Variants in TNPO3 observed in about 807,000 individuals in gnomAD.
The protein encoded by TNPO3 is transportin-3.
In TNPO3, 65 loss-of-function variants were observed where a neutral mutation model predicts 122.8. The observed-to-expected ratio is 0.53, with a 90% confidence interval of 0.43 to 0.65. TNPO3 has a LOEUF of 0.65. Among genes scored for constraint, TNPO3 ranks in the 30% least tolerant of loss-of-function variants. TNPO3 has a pLI of 0.00. For synonymous variants in TNPO3, 372 were observed against 411.2 expected, an observed-to-expected ratio of 0.90 and a Z score of 1.15; for missense variants, 850 against 1,136.7, an observed-to-expected ratio of 0.75 and a Z score of 3.63.
At chr7:129,039,273 C>T (rs1050902712) in intron 1 of TNPO3, among the ~76,000 whole-genome samples, 5 of 152,084 alleles carry the variant, frequency 3.3e-5, no homozygotes, top group Admixed American at 2.6e-4. Flanking sequence ...AAAAATAGAG[C>T]GTTATCACCC....
At chr7:128,965,804 A>G (rs903781717) in intron 21 of TNPO3, among the ~76,000 whole-genome samples, 1 of 152,236 alleles carries the variant, frequency 6.6e-6, no homozygotes, top group African/African-American at 2.4e-5. Context: ...TCCTAAGGAC[A>G]TTATACTAAG....
intron 19 of TNPO3, among the ~76,000 whole-genome samples, chr7:128,972,184 C>G (rs184466648): frequency 1.3e-5 from 2 of 152,322 alleles, no homozygotes; most frequent in East Asian, 3.9e-4. Flanking sequence ...ACTTGTTTCT[C>G]TCTTCAACTA....
chr7:129,033,264 T>C lies in TNPO3; in HGVS notation c.121-15107A>G, dbSNP rs552963304. 2.6e-5 allele frequency among the ~76,000 whole-genome samples: 4 copies of C among 152,332 alleles called. No homozygotes were observed. The East Asian group carries it at 7.7e-4, about 29-fold the overall frequency. ...AATCATTGCAATTGACAGTGATTTCTTGGATGACATTTCTGGAATAAATAT... is the reference window on the plus strand; with the variant it reads ...AATCATTGCAATTGACAGTGATTTCCTGGATGACATTTCTGGAATAAATAT... On this transcript the variant is annotated intron_variant, in intron 1 of 22. Transcript: ENST00000265388.
intron 4 of TNPO3, among the ~76,000 whole-genome samples, chr7:129,006,161 G>A (rs1283122414): frequency 6.6e-6 from 1 of 152,122 alleles, no homozygotes; most frequent in Non-Finnish European, 1.5e-5. Flanking sequence ...TGCTATTATT[G>A]TCTCTACTTT....
At chr7:129,003,647 C>T (rs550667553) in intron 5 of TNPO3, among the ~76,000 whole-genome samples, 4 of 151,946 alleles carry the variant, frequency 2.6e-5, no homozygotes, top group East Asian at 1.9e-4. Context: ...CCAGTCTGGA[C>T]GACAGGGAGA....
At chr7:129,049,457 T>C (rs918663331) in intron 1 of TNPO3, among the ~76,000 whole-genome samples, 1 of 152,204 alleles carries the variant, frequency 6.6e-6, no homozygotes, top group Non-Finnish European at 1.5e-5. Context: ...TGATAGATCT[T>C]GGAATCCACA....
intron 19 of TNPO3, 87 bp downstream of exon 19, chr7:128,972,339 A>C (rs931636924): frequency 2.8e-6 from 4 of 1,425,772 alleles, no homozygotes; most frequent in Non-Finnish European, 3.8e-6. Flanking sequence ...GTAAGGAAAT[A>C]CTGGGATGCT....
At position 129,054,738 on chromosome 7, in the gene TNPO3, C is replaced by T; in HGVS notation, c.33G>A (p.Val11=). The T allele has an allele frequency of 6.2e-7, 1 of 1,614,208 alleles. No homozygotes were observed. Among genetic ancestry groups the T allele is most frequent in the Non-Finnish European group, 8.5e-7 (1 of 1,180,020 alleles). The part of the protein sequence containing the change: MEGAKPTLQL[V]YQAVQALYHD... ...GGTAAAGCGCCTGCACTGCCTGGTA[C>T]ACGAGCTGCAATGTCGGCTTTGCTC... The change falls in exon 1 of 23, where the codon GTG becomes GTA. Residue 11 remains valine, a synonymous_variant. Coordinates refer to ENST00000265388, the MANE Select transcript of TNPO3 (RefSeq NM_012470.4).
At chr7:129,039,350 C>G (rs1190066116) in intron 1 of TNPO3, among the ~76,000 whole-genome samples, 1 of 151,874 alleles carries the variant, frequency 6.6e-6, no homozygotes, top group Non-Finnish European at 1.5e-5. Flanking sequence ...TCGCTTGAGC[C>G]CAAGAGTTTG....
intron 1 of TNPO3, among the ~76,000 whole-genome samples, chr7:129,021,347 T>A (rs1804486939): frequency 7.3e-6 from 1 of 136,692 alleles, no homozygotes; most frequent in South Asian, 2.3e-4. Context: ...TGAGTGAGAC[T>A]CCGTCTCAAA....
chr7:128,973,337 G>C (rs1798679648), intron 18 of TNPO3, among the ~76,000 whole-genome samples: 1 of 152,088 alleles, frequency 6.6e-6, no homozygotes, highest in African/African-American at 2.4e-5. Context: ...TTAATATACA[G>C]GGAGAATCTC....
chr7:129,002,098 C>A (rs771328808), intron 5 of TNPO3, among the ~76,000 whole-genome samples: 3 of 152,116 alleles, frequency 2.0e-5, no homozygotes, highest in Non-Finnish European at 4.4e-5. Flanking sequence ...ATGATGCATG[C>A]TAGTAAAGGA....
intron 9 of TNPO3, among the ~76,000 whole-genome samples, chr7:128,993,397 T>C (rs1308458051): frequency 1.3e-5 from 2 of 152,184 alleles, no homozygotes; most frequent in Non-Finnish European, 2.9e-5. Context: ...ACCATAAGTG[T>C]GGACAAAGAT....
chr7:129,027,557 T>C (rs1805347261), intron 1 of TNPO3, among the ~76,000 whole-genome samples: 2 of 11,856 alleles, frequency 1.7e-4, no homozygotes, highest in Admixed American at 2.3e-3. Flanking sequence ...CAAGACTGTC[T>C]CAAAAAAAAA....
At chr7:128,978,929 G>A in intron 16 of TNPO3, 54 bp downstream of exon 16, 1 of 1,600,564 alleles carries the variant, frequency 6.2e-7, no homozygotes, top group Non-Finnish European at 8.5e-7. Context: ...ACCGCACCCT[G>A]CCTATTTCAA....
chr7:129,017,897 A>G, intron 2 of TNPO3, 60 bp downstream of exon 2: 1 of 1,543,126 alleles, frequency 6.5e-7, no homozygotes, highest in Non-Finnish European at 8.9e-7. Context: ...ACGAATTAAA[A>G]CAATCCTGAT....
intron 1 of TNPO3, among the ~76,000 whole-genome samples, chr7:129,030,694 T>A (rs1805828459): frequency 6.6e-6 from 1 of 152,184 alleles, no homozygotes; most frequent in Non-Finnish European, 1.5e-5. Context: ...TATGGATTTT[T>A]ATTCACTTTT....
chr7:128,986,888 A>C lies in TNPO3; in HGVS notation c.1531T>G (p.Cys511Gly), dbSNP rs886044027. Residue 511 changes from cysteine (C) to glycine (G), a missense_variant, in exon 12 of 23, where the codon TGT (cysteine) becomes GGT (glycine). By Grantham distance (159) the Cys-to-Gly change is radical. Coordinates refer to ENST00000265388, the MANE Select transcript of TNPO3 (RefSeq NM_012470.4). Reference sequence around the variant, plus strand: ...GCAGCAGAAGCCAGGGGCTTTTCACACAGGCCTTTCATCAAATAGCCCAAC... The same window carrying C: ...GCAGCAGAAGCCAGGGGCTTTTCACCCAGGCCTTTCATCAAATAGCCCAAC... The part of the protein sequence containing the change: ...PVLGYLMKGL[C>G]EKPLASAAAK... 2 of 1,613,432 alleles carry C rather than the reference A, an allele frequency of 1.2e-6. No homozygotes were observed. Among genetic ancestry groups the C allele is most frequent in the African/African-American group, 2.7e-5 (2 of 74,928 alleles).
Position 129,043,218 on chromosome 7 carries a change from T to C in TNPO3, c.120+11433A>G, listed in dbSNP as rs557823018. On this transcript the variant is annotated intron_variant, in intron 1 of 22. Coordinates refer to ENST00000265388, the MANE Select transcript of TNPO3 (RefSeq NM_012470.4). ...AAATTCTACACCAACCTGGGCAACA[T>C]AGCAAGACCCAGTCTTTACAGGAAA... Among the ~76,000 whole-genome samples the C allele has an allele frequency of 4.7e-5, 7 of 147,612 alleles. No individual in the cohort carries two copies. The East Asian group carries it at 9.9e-4, about 21-fold the overall frequency.
Sources: gnomAD v4.1 joint callset for allele counts (sites outside exome capture counted in the v4.1 genomes callset) on GRCh38, gnomAD v4.1.1 for gene constraint, MANE v1.5 for transcripts, NCBI Gene and HGNC (gene_info 2026-07-23, HGNC 2026-07-21) for gene names.